The following UBL3 variants were observed in gnomAD, a reference collection of about 807,000 sequenced individuals.
UBL3 encodes the protein ubiquitin like 3.
UBL3 carries 6 observed loss-of-function variants against 18.4 expected under a neutral mutation model. That is an observed-to-expected ratio of 0.33 (90% CI 0.18 to 0.64). UBL3 has a LOEUF of 0.64. Ranked by LOEUF, UBL3 falls within the 30% of genes least tolerant of loss-of-function variation. The pLI is 0.76. For missense variants in UBL3, 109 were observed against 142.9 expected (o/e 0.76, Z 1.21); for synonymous variants, 49 against 46.6 (o/e 1.05, Z -0.21).
chr13:29,835,753 C>CAAAA (rs34271187), intron 1 of UBL3, among the ~76,000 whole-genome samples: 7 of 37,004 alleles, frequency 1.9e-4, no homozygotes, highest in Non-Finnish European at 2.4e-4. Context: ...GACGCTGTCT[C>CAAAA]AAAAAAAAAA....
At chr13:29,807,502 C>T (rs956905361) in intron 1 of UBL3, among the ~76,000 whole-genome samples, 3 of 152,190 alleles carry the variant, frequency 2.0e-5, no homozygotes, top group African/African-American at 4.8e-5. Flanking sequence ...AAATTATTGA[C>T]TTCAACCACA....
chr13:29,785,331 A>G (rs751542909), intron 1 of UBL3, among the ~76,000 whole-genome samples: 5 of 149,596 alleles, frequency 3.3e-5, no homozygotes, highest in Non-Finnish European at 7.4e-5. Flanking sequence ...TGGTTAATTT[A>G]TAATTGTCTT....
In UBL3 at chr13:29,823,096, C is replaced by T. The variant is rs376338926; in HGVS notation, c.27+26416G>A. Among the ~76,000 whole-genome samples the T allele has an allele frequency of 3.3e-5, 5 of 152,272 alleles. No individual in the cohort carries two copies. In the East Asian group the frequency reaches 9.6e-4, roughly 29 times the overall value. Reference sequence around the variant, plus strand: ...ATCTTATTGCTTTTCTAATTAATTACAAAATTAGAATGAAAGAATAATAAA... The same window carrying T: ...ATCTTATTGCTTTTCTAATTAATTATAAAATTAGAATGAAAGAATAATAAA... On this transcript the variant is annotated intron_variant, in intron 1 of 4. Transcript: ENST00000380680.
chr13:29,834,358 CAT>C (rs930263688), intron 1 of UBL3, among the ~76,000 whole-genome samples: 5 of 151,820 alleles, frequency 3.3e-5, no homozygotes, highest in Non-Finnish European at 7.4e-5. Context: ...ATGTTTTCTT[CAT>C]ATATGACATA....
At chr13:29,787,657 G>C (rs1877359480) in intron 1 of UBL3, among the ~76,000 whole-genome samples, 1 of 151,994 alleles carries the variant, frequency 6.6e-6, no homozygotes, top group Admixed American at 6.6e-5. Flanking sequence ...GTAGCCCTTT[G>C]GTTTTCTATA....
At chr13:29,846,100 C>CG (rs1879222195) in intron 1 of UBL3, among the ~76,000 whole-genome samples, 2 of 152,036 alleles carry the variant, frequency 1.3e-5, no homozygotes, top group African/African-American at 4.8e-5. Flanking sequence ...CAGTGGTTAA[C>CG]ATAAGTCACA....
chr13:29,798,214 C>T (rs144154079), intron 1 of UBL3, among the ~76,000 whole-genome samples: 2,147 of 151,916 alleles, frequency 0.014, 44 homozygotes, highest in African/African-American at 0.049. Context: ...TTAGTAGAGA[C>T]GGGGTTTCAC....
chr13:29,815,909 G>A (rs1878266209), intron 1 of UBL3, among the ~76,000 whole-genome samples: 1 of 152,120 alleles, frequency 6.6e-6, no homozygotes. Flanking sequence ...TCTGATGTAG[G>A]TAAGTTTAAC....
At chr13:29,778,725 C>A (rs970389859) in intron 1 of UBL3, among the ~76,000 whole-genome samples, 1 of 152,196 alleles carries the variant, frequency 6.6e-6, no homozygotes, top group African/African-American at 2.4e-5. Flanking sequence ...GCCAATGTCA[C>A]TCCCAGCACC....
intron 1 of UBL3, among the ~76,000 whole-genome samples, chr13:29,834,891 T>C (rs1415691825): frequency 4.6e-5 from 7 of 151,448 alleles, no homozygotes; most frequent in African/African-American, 1.7e-4. Flanking sequence ...ATGAAGTTAA[T>C]AGTAGCACCT....
chr13:29,820,116 G>A (rs1173512949), intron 1 of UBL3, among the ~76,000 whole-genome samples: 1 of 149,254 alleles, frequency 6.7e-6, no homozygotes, highest in Non-Finnish European at 1.5e-5. Context: ...GAGTGACCCT[G>A]AAAAGAAAGA....
intron 1 of UBL3, among the ~76,000 whole-genome samples, chr13:29,844,078 A>G (rs1879174377): frequency 6.6e-6 from 1 of 152,186 alleles, no homozygotes; most frequent in Non-Finnish European, 1.5e-5. Flanking sequence ...TTTTAAAGGG[A>G]CTATATAACA....
At chr13:29,812,453 A>G (rs1878115713) in intron 1 of UBL3, among the ~76,000 whole-genome samples, 1 of 152,006 alleles carries the variant, frequency 6.6e-6, no homozygotes, top group African/African-American at 2.4e-5. Context: ...TACATACTCC[A>G]AGGCACCACC....
At position 29,849,669 on chromosome 13, in the gene UBL3, A is replaced by C; in HGVS notation, c.-131T>G. The C allele has an allele frequency of 1.6e-6, 2 of 1,246,928 alleles. No individual in the cohort carries two copies. The highest frequency in any genetic ancestry group is 2.3e-6 in the Non-Finnish European group (2 of 880,842). 77.2% of individuals were successfully genotyped at this position (1,246,928 alleles called of 1,614,324 possible). Reference sequence around the variant, plus strand: ...GATGTGCTTTCTCCCCCAAAAATAAAGTTATTTTGGAGCCAAAGTGCCGGT... The same window carrying C: ...GATGTGCTTTCTCCCCCAAAAATAACGTTATTTTGGAGCCAAAGTGCCGGT... On this transcript the variant is annotated 5_prime_UTR_variant, in exon 1 of 5. Transcript: ENST00000380680.
chr13:29,798,030 A>AT (rs574813633), intron 1 of UBL3, among the ~76,000 whole-genome samples: 39 of 146,702 alleles, frequency 2.7e-4, no homozygotes, highest in Non-Finnish European at 3.2e-4. Context: ...TTAAATATAT[A>AT]TTTTTTTTTT....
At chr13:29,790,271 A>G (rs969260117) in intron 1 of UBL3, among the ~76,000 whole-genome samples, 7 of 152,232 alleles carry the variant, frequency 4.6e-5, no homozygotes, top group Admixed American at 4.6e-4. Context: ...TATCAGTCAC[A>G]CTTTAGACTT....
At chr13:29,809,235 T>A (rs1444573878) in intron 1 of UBL3, among the ~76,000 whole-genome samples, 2 of 152,012 alleles carry the variant, frequency 1.3e-5, no homozygotes, top group South Asian at 2.1e-4. Context: ...ATAGGGAACC[T>A]GGGGAGAGGG....
At chr13:29,804,168 C>T (rs942157290) in intron 1 of UBL3, among the ~76,000 whole-genome samples, 2 of 151,198 alleles carry the variant, frequency 1.3e-5, no homozygotes, top group Admixed American at 1.3e-4. Context: ...AAGAAAATCA[C>T]TCAAAACCAT....
At chr13:29,824,691 G>A (rs943615110) in intron 1 of UBL3, among the ~76,000 whole-genome samples, 61 of 152,278 alleles carry the variant, frequency 4.0e-4, no homozygotes, top group African/African-American at 1.3e-3. Context: ...CTTTTGCTGT[G>A]CAGAAGCTCT....
Sources: gnomAD v4.1 joint callset for allele counts (sites outside exome capture counted in the v4.1 genomes callset) on GRCh38, gnomAD v4.1.1 for gene constraint, MANE v1.5 for transcripts, NCBI Gene and HGNC (gene_info 2026-07-23, HGNC 2026-07-21) for gene names.